Variants in WDPCP observed in about 807,000 individuals in gnomAD.
WDPCP encodes WD repeat containing planar cell polarity effector, also known as WD repeat-containing and planar cell polarity effector protein fritz homolog.
In WDPCP, 71 loss-of-function variants were observed where a neutral mutation model predicts 93.1. The observed-to-expected ratio is 0.76, with a 90% confidence interval of 0.63 to 0.93. The LOEUF (loss-of-function observed/expected upper bound fraction) is 0.93, where lower values mean the gene tolerates loss of function less well. Among genes scored for constraint, WDPCP ranks in the 40% least tolerant of loss-of-function variants. The pLI, the probability that WDPCP is intolerant of heterozygous loss-of-function variation, is 0.00. For missense variants in WDPCP, 844 were observed against 887.4 expected (o/e 0.95, Z 0.62); for synonymous variants, 315 against 315.0 (o/e 1.00, Z 0.00).
intron 10 of WDPCP, among the ~76,000 whole-genome samples, chr2:63,392,979 G>A (rs1264329867): frequency 6.6e-6 from 1 of 152,200 alleles, no homozygotes; most frequent in Non-Finnish European, 1.5e-5. Flanking sequence ...AGACAGTGTG[G>A]CGATTCCTCA....
intron 6 of WDPCP, chr2:63,440,945 G>A (rs1697463525): frequency 6.6e-6 from 1 of 152,158 alleles, no homozygotes; most frequent in Non-Finnish European, 1.5e-5. Context: ...CAGCATGAGG[G>A]ACCAGGGTAA....
chr2:63,454,113 T>C (rs1266512762), intron 6 of WDPCP, among the ~76,000 whole-genome samples: 1 of 142,452 alleles, frequency 7.0e-6, no homozygotes, highest in African/African-American at 2.6e-5. Context: ...AATAAAAATA[T>C]ATATATATTA....
intron 2 of WDPCP, among the ~76,000 whole-genome samples, chr2:63,778,038 C>T (rs1383852768): frequency 2.0e-5 from 3 of 152,090 alleles, no homozygotes; most frequent in Non-Finnish European, 4.4e-5. Context: ...TATGCAATGC[C>T]TTTTACAATA....
intron 2 of WDPCP, among the ~76,000 whole-genome samples, chr2:63,702,704 A>AT (rs543105188): frequency 0.026 from 3,629 of 139,410 alleles, 62 homozygotes; most frequent in Non-Finnish European, 0.034. Flanking sequence ...CATCCAGCTA[A>AT]TTTTTTTTTT....
At chr2:63,558,292 G>C (rs1009200628) in intron 1 of WDPCP, among the ~76,000 whole-genome samples, 69 of 152,258 alleles carry the variant, frequency 4.5e-4, no homozygotes, top group African/African-American at 1.6e-3. Context: ...CACTTTGGGA[G>C]GGTGAGGCGG....
chr2:63,829,367 A>T (rs1007087893), upstream of WDPCP, among the ~76,000 whole-genome samples: 2 of 152,106 alleles, frequency 1.3e-5, no homozygotes, highest in African/African-American at 4.8e-5. Context: ...AACTGTTTTT[A>T]GCTCTTCTGA....
At chr2:63,285,559 T>C (rs1387759726) in intron 13 of WDPCP, among the ~76,000 whole-genome samples, 1 of 149,870 alleles carries the variant, frequency 6.7e-6, no homozygotes, top group Non-Finnish European at 1.5e-5. Flanking sequence ...GTAGAAATAA[T>C]AGAATAAAAA....
chr2:63,575,480 T>C (rs1209740718), intron 1 of WDPCP, among the ~76,000 whole-genome samples: 14 of 49,464 alleles, frequency 2.8e-4, no homozygotes, highest in African/African-American at 6.7e-4. Flanking sequence ...GTATATACAG[T>C]GTATATATAG....
intron 14 of WDPCP, among the ~76,000 whole-genome samples, chr2:63,201,058 G>C (rs191975649): frequency 6.6e-6 from 1 of 152,272 alleles, no homozygotes; most frequent in Non-Finnish European, 1.5e-5. Flanking sequence ...GGAGGAGCCT[G>C]GTGGGAGGTA....
At chr2:63,563,993 G>A (rs532099352) in intron 1 of WDPCP, among the ~76,000 whole-genome samples, 1 of 152,314 alleles carries the variant, frequency 6.6e-6, no homozygotes, top group South Asian at 2.1e-4. Flanking sequence ...CTTTAAAAGG[G>A]TGAGTTTTAG....
chr2:63,135,160 A>G (rs1180218495), intron 17 of WDPCP, among the ~76,000 whole-genome samples: 1 of 152,186 alleles, frequency 6.6e-6, no homozygotes, highest in East Asian at 1.9e-4. Flanking sequence ...TAAAGTGTGC[A>G]AAAATCTTAA....
chr2:63,705,128 T>A (rs1239620385), intron 2 of WDPCP, among the ~76,000 whole-genome samples: 1 of 152,236 alleles, frequency 6.6e-6, no homozygotes, highest in Non-Finnish European at 1.5e-5. Flanking sequence ...TGTATTTCTG[T>A]GGGATCGGTG....
intron 6 of WDPCP, among the ~76,000 whole-genome samples, chr2:63,476,481 A>T (rs13025802): frequency 0.027 from 4,147 of 152,154 alleles, 80 homozygotes; most frequent in South Asian, 0.044. Context: ...ATTCTCCACA[A>T]ATTTGTTCTT....
chr2:63,196,836 G>A (rs952539696), intron 14 of WDPCP, among the ~76,000 whole-genome samples: 1 of 152,152 alleles, frequency 6.6e-6, no homozygotes, highest in Non-Finnish European at 1.5e-5. Context: ...CAGACCATGA[G>A]GAAGAAGACA....
At chr2:63,832,473 C>A (rs140345995), upstream of WDPCP, among the ~76,000 whole-genome samples, 105 of 152,224 alleles carry the variant, frequency 6.9e-4, no homozygotes, top group Non-Finnish European at 1.0e-3. Context: ...GTGACAAAGT[C>A]ACATTGCAAA....
chr2:63,491,085 G>A (rs1028155773), intron 2 of WDPCP, among the ~76,000 whole-genome samples: 15 of 151,982 alleles, frequency 9.9e-5, no homozygotes, highest in African/African-American at 3.6e-4. Context: ...TTTGAATTTT[G>A]AATTTTTTCT....
chr2:63,468,208 T>C (rs1699473145), intron 6 of WDPCP, among the ~76,000 whole-genome samples: 1 of 152,142 alleles, frequency 6.6e-6, no homozygotes, highest in African/African-American at 2.4e-5. Context: ...CAGACTAGCA[T>C]CATAGTTTAA....
intron 3 of WDPCP, chr2:63,622,450 G>T: frequency 6.2e-7 from 1 of 1,613,884 alleles, no homozygotes; most frequent in Non-Finnish European, 8.5e-7. Flanking sequence ...CAGGCTTCCC[G>T]GCGGATTTCA....
chr2:63,615,194 CAG>C lies in WDPCP; in HGVS notation n.488+35463_488+35464del, dbSNP rs995203505. ...CACAGATAAGGAAGCAGCTATGACA[CAG>C]AGGTGGAGCTTCCTGGGTAATTGGC... On this transcript the variant is annotated intron_variant and non_coding_transcript_variant, in intron 3 of 4. Coordinates refer to the WDPCP transcript ENST00000467687. Among the ~76,000 whole-genome samples the C allele has an allele frequency of 2.0e-5, 3 of 152,302 alleles. No homozygotes were observed. In the East Asian group the frequency reaches 5.8e-4, roughly 29 times the overall value.
Sources: gnomAD v4.1 joint callset for allele counts (sites outside exome capture counted in the v4.1 genomes callset) on GRCh38, gnomAD v4.1.1 for gene constraint, MANE v1.5 for transcripts, NCBI Gene and HGNC (gene_info 2026-07-23, HGNC 2026-07-21) for gene names.